TSPAN7: variants seen among roughly 807,000 people sequenced by gnomAD.
TSPAN7 encodes the protein tetraspanin 7.
In TSPAN7, 1 loss-of-function variant was observed where a neutral mutation model predicts 17.6. That is an observed-to-expected ratio of 0.06 (90% CI 0.02 to 0.27). The LOEUF (loss-of-function observed/expected upper bound fraction) is 0.27, where lower values mean the gene tolerates loss of function less well. TSPAN7 is among the 10% of genes least tolerant of loss of function. The pLI is 1.00. For missense variants in TSPAN7, 112 were observed against 201.7 expected, an observed-to-expected ratio of 0.56 and a Z score of 2.69; for synonymous variants, 78 against 79.0, an observed-to-expected ratio of 0.99 and a Z score of 0.07.
intron 1 of TSPAN7, among the ~76,000 whole-genome samples, chrX:38,591,164 A>G (rs1018519345): frequency 4.5e-5 from 5 of 110,800 alleles, no homozygotes; most frequent in Non-Finnish European, 9.5e-5. Flanking sequence ...ATAGCCATTC[A>G]ATGCTATAAA....
chrX:38,589,140 G>T (rs1323992192), intron 1 of TSPAN7, among the ~76,000 whole-genome samples: 1 of 111,922 alleles, frequency 8.9e-6, no homozygotes, highest in Non-Finnish European at 1.9e-5. Flanking sequence ...GCCTTTAGTT[G>T]CTTAGCCACT....
At chrX:38,618,508 C>T (rs1218427354) in intron 1 of TSPAN7, among the ~76,000 whole-genome samples, 1 of 111,622 alleles carries the variant, frequency 9.0e-6, no homozygotes, top group Non-Finnish European at 1.9e-5. Flanking sequence ...ATAATTCCCC[C>T]TCTGATTTGC....
At position 38,622,769 on chromosome X, in the gene TSPAN7, C is replaced by A. The variant is rs762142871; in HGVS notation, c.82-43352C>A. 1.1e-5 allele frequency: 3 copies of A among 279,771 alleles called. No individual in the cohort carries two copies. In the East Asian group the frequency reaches 3.0e-4, roughly 28 times the overall value. 23.1% of individuals were successfully genotyped at this position (279,771 alleles called of 1,213,427 possible). On this transcript the variant is annotated intron_variant, in intron 1 of 7. Transcript: ENST00000378482. The stretch of plus-strand genomic sequence containing the variant: ...CCTAGTTCTCATGCCTGTCTTTAAT[C>A]TTGGTTTCTATGACTTGTTTAGTCC...
At chrX:38,682,898 G>A (rs1157436980) in intron 6 of TSPAN7, among the ~76,000 whole-genome samples, 1 of 112,236 alleles carries the variant, frequency 8.9e-6, no homozygotes, top group East Asian at 2.8e-4. Context: ...AAATGTGCAA[G>A]ATGCACTTGA....
At chrX:38,598,055 T>G (rs1392184967) in intron 1 of TSPAN7, among the ~76,000 whole-genome samples, 1 of 111,521 alleles carries the variant, frequency 9.0e-6, no homozygotes, top group Non-Finnish European at 1.9e-5. Flanking sequence ...AAGCTCATTT[T>G]TTGTTGAGTC....
intron 1 of TSPAN7, among the ~76,000 whole-genome samples, chrX:38,620,846 G>A (rs1325653642): frequency 8.9e-6 from 1 of 112,263 alleles, no homozygotes; most frequent in African/African-American, 3.2e-5. Flanking sequence ...CCCTTGGCAC[G>A]CTGAAATTCC....
chrX:38,682,291 G>C (rs183187234), intron 6 of TSPAN7, among the ~76,000 whole-genome samples: 3 of 112,098 alleles, frequency 2.7e-5, no homozygotes, highest in African/African-American at 9.7e-5. Flanking sequence ...CTAGCCATCT[G>C]TATCTCTGGC....
At chrX:38,578,265 G>T (rs1231404885) in intron 1 of TSPAN7, among the ~76,000 whole-genome samples, 1 of 111,818 alleles carries the variant, frequency 8.9e-6, no homozygotes, top group Non-Finnish European at 1.9e-5. Context: ...TTAATGCTGA[G>T]TTGCTTGCTG....
intron 1 of TSPAN7, among the ~76,000 whole-genome samples, chrX:38,567,240 CTG>C (rs750603012): frequency 2.2e-4 from 25 of 112,207 alleles, no homozygotes; most frequent in African/African-American, 7.4e-4. Context: ...ATACATGAGA[CTG>C]TAATTTATAA....
At chrX:38,564,895 C>T (rs1339394116) in intron 1 of TSPAN7, among the ~76,000 whole-genome samples, 1 of 111,842 alleles carries the variant, frequency 8.9e-6, no homozygotes, top group Non-Finnish European at 1.9e-5. Context: ...ACATGATTTA[C>T]AAGTGTTTTC....
At chrX:38,571,934 C>A (rs1231365105) in intron 1 of TSPAN7, among the ~76,000 whole-genome samples, 4 of 111,388 alleles carry the variant, frequency 3.6e-5, no homozygotes, top group Non-Finnish European at 7.6e-5. Flanking sequence ...TTCTTACCCA[C>A]TTAATTGGTC....
rs1304625204 is a variant in TSPAN7, at chrX:38,578,066, C to T, written c.81+16439C>T. Among the ~76,000 whole-genome samples the T allele has an allele frequency of 2.7e-5, 3 of 110,831 alleles. No individual in the cohort carries two copies. In the East Asian group the frequency reaches 8.6e-4, roughly 32 times the overall value. Reference sequence around the variant, plus strand: ...CCACCTCATTTCCTCCTCTCTTAAACCCCCTTGGCTAACCAAAATGGGTGA... The same window carrying T: ...CCACCTCATTTCCTCCTCTCTTAAATCCCCTTGGCTAACCAAAATGGGTGA... On this transcript the variant is annotated intron_variant, in intron 1 of 7. Coordinates refer to ENST00000378482, the MANE Select transcript of TSPAN7 (RefSeq NM_004615.4).
intron 6 of TSPAN7, among the ~76,000 whole-genome samples, chrX:38,683,664 C>G (rs1007802014): frequency 3.5e-5 from 4 of 112,677 alleles, no homozygotes. Context: ...GCCAGATGCA[C>G]CAGGAACTGC....
intron 1 of TSPAN7, among the ~76,000 whole-genome samples, chrX:38,607,151 A>G (rs1262578699): frequency 1.8e-5 from 2 of 111,907 alleles, no homozygotes; most frequent in Non-Finnish European, 3.8e-5. Flanking sequence ...CGCATGTATG[A>G]TGAATTTCAT....
intron 1 of TSPAN7, among the ~76,000 whole-genome samples, chrX:38,572,906 A>T (rs904600988): frequency 7.2e-5 from 8 of 111,469 alleles, no homozygotes; most frequent in Middle Eastern, 9.2e-3. Context: ...ATTGCATTCT[A>T]TTGCAGAGGA....
intron 6 of TSPAN7, among the ~76,000 whole-genome samples, chrX:38,683,106 C>G (rs1003324944): frequency 9.0e-6 from 1 of 111,706 alleles, no homozygotes; most frequent in African/African-American, 3.3e-5. Context: ...GAGAAGAGAG[C>G]CTCAAAGAAC....
intron 6 of TSPAN7, among the ~76,000 whole-genome samples, chrX:38,683,167 G>A (rs758544090): frequency 2.7e-5 from 3 of 111,973 alleles, no homozygotes; most frequent in Non-Finnish European, 5.6e-5. Context: ...TTCCCATGTG[G>A]CCATGAGCAT....
chrX:38,625,390 T>C (rs1309613000), intron 1 of TSPAN7, among the ~76,000 whole-genome samples: 4 of 111,838 alleles, frequency 3.6e-5, no homozygotes, highest in African/African-American at 1.3e-4. Context: ...CCCTCAGAGT[T>C]AGGTGTGGTC....
At chrX:38,569,752 G>A (rs2069160239) in intron 1 of TSPAN7, among the ~76,000 whole-genome samples, 1 of 111,311 alleles carries the variant, frequency 9.0e-6, no homozygotes, top group Admixed American at 9.5e-5. Flanking sequence ...TTCTTTTAGT[G>A]TCATTTCAGT....
Sources: allele counts gnomAD v4.1 joint callset (sites outside exome capture counted in the v4.1 genomes callset), GRCh38; gene constraint gnomAD v4.1.1; transcripts MANE v1.5; gene names NCBI Gene and HGNC (gene_info 2026-07-23, HGNC 2026-07-21).